The following DPYSL3 variants were observed in gnomAD, a reference collection of about 807,000 sequenced individuals.
DPYSL3 encodes dihydropyrimidinase-related protein 3.
Under a neutral mutation model 66.1 loss-of-function variants are expected in DPYSL3, and 16 were observed. The observed-to-expected ratio is 0.24, with a 90% confidence interval of 0.16 to 0.37. DPYSL3 has a LOEUF of 0.37. Among genes scored for constraint, DPYSL3 ranks in the 10% least tolerant of loss-of-function variants. The pLI is 1.00. For missense variants in DPYSL3, 738 were observed against 916.2 expected, an observed-to-expected ratio of 0.81 and a Z score of 2.51; for synonymous variants, 338 against 345.1, an observed-to-expected ratio of 0.98 and a Z score of 0.23.
chr5:147,418,824 C>G (rs996388146), intron 2 of DPYSL3, among the ~76,000 whole-genome samples, 193 bp from the exon 3 acceptor site: 1 of 152,146 alleles, frequency 6.6e-6, no homozygotes, highest in African/African-American at 2.4e-5. Context: ...TGTTTATAGT[C>G]ACAGAATGAT....
chr5:147,502,843 T>C (rs1753633379), intron 1 of DPYSL3, among the ~76,000 whole-genome samples: 1 of 152,196 alleles, frequency 6.6e-6, no homozygotes, highest in Non-Finnish European at 1.5e-5. Flanking sequence ...CCCAAAGTGC[T>C]GGGATTACAA....
chr5:147,395,075 G>A (rs1182496704), intron 13 of DPYSL3, among the ~76,000 whole-genome samples: 2 of 152,218 alleles, frequency 1.3e-5, no homozygotes, highest in Non-Finnish European at 1.5e-5. Flanking sequence ...TGTTCAATCA[G>A]TGGTAGCTAG....
intron 1 of DPYSL3, among the ~76,000 whole-genome samples, chr5:147,449,037 C>G (rs1432682327): frequency 6.6e-6 from 1 of 152,184 alleles, no homozygotes; most frequent in Non-Finnish European, 1.5e-5. Flanking sequence ...TGTGACTCCT[C>G]TTCTTTTGGT....
Position 147,413,578 on chromosome 5 carries a change from T to C in DPYSL3, c.882+18A>G, listed in dbSNP as rs757396546. 4 of 1,604,374 alleles carry C rather than the reference T, an allele frequency of 2.5e-6. No homozygotes were observed. In the African/African-American group the frequency reaches 5.4e-5, roughly 21 times the overall value. On this transcript the variant is annotated intron_variant, in intron 5 of 13. Coordinates refer to ENST00000343218, the MANE Select transcript of DPYSL3 (RefSeq NM_001197294.2). ...ACCCATCCAGATACCCCAAACCACA[T>C]AGCAAATGGGTTGTTACCTCTGTGT...
intron 1 of DPYSL3, among the ~76,000 whole-genome samples, chr5:147,464,338 A>G (rs1166090650): frequency 6.6e-6 from 1 of 152,130 alleles, no homozygotes; most frequent in African/African-American, 2.4e-5. Flanking sequence ...CTCGAAATAC[A>G]CGCTTTCCAC....
chr5:147,494,044 T>C (rs2126450575), intron 1 of DPYSL3, among the ~76,000 whole-genome samples: 1 of 151,962 alleles, frequency 6.6e-6, no homozygotes. Context: ...AATACAAAAA[T>C]TATCCTGGCG....
intron 1 of DPYSL3, among the ~76,000 whole-genome samples, chr5:147,491,539 A>G (rs2126447605): frequency 6.6e-6 from 1 of 152,314 alleles, no homozygotes; most frequent in South Asian, 2.1e-4. Flanking sequence ...CTTTAGTAGA[A>G]AAAGTAGACA....
chr5:147,481,825 G>A (rs991067186), intron 1 of DPYSL3, among the ~76,000 whole-genome samples: 1 of 152,136 alleles, frequency 6.6e-6, no homozygotes, highest in Non-Finnish European at 1.5e-5. Flanking sequence ...AGACATTCCA[G>A]GTTCCAGAAT....
At position 147,392,508 on chromosome 5, in the gene DPYSL3, T is replaced by C. The variant is rs562019808; in HGVS notation, c.*1527A>G. 9.2e-5 allele frequency: 14 copies of C among 152,352 alleles called. No individual in the cohort carries two copies. Among genetic ancestry groups the C allele is most frequent in the African/African-American group, 3.1e-4 (13 of 41,586 alleles). The allele number at this position is 152,352 out of a possible 1,614,324, so 9.4% of individuals were successfully genotyped here. ...AGGGTTACAGGTGCTACCACTTGGA[T>C]TCCCCAGAGCATGGAAGTCTGATCC... On this transcript the variant is annotated 3_prime_UTR_variant, in exon 14 of 14. Coordinates refer to ENST00000343218, the MANE Select transcript of DPYSL3 (RefSeq NM_001197294.2).
chr5:147,419,792 A>C (rs1752044533), intron 2 of DPYSL3, among the ~76,000 whole-genome samples: 1 of 152,056 alleles, frequency 6.6e-6, no homozygotes. Context: ...CCACATCACC[A>C]CTGGGCCATT....
chr5:147,500,171 G>A (rs549403287), intron 1 of DPYSL3, among the ~76,000 whole-genome samples: 2 of 152,294 alleles, frequency 1.3e-5, no homozygotes, highest in South Asian at 2.1e-4. Flanking sequence ...AATAATTGGT[G>A]AGCTGGACTA....
At chr5:147,403,483 G>A (rs1372019361) in intron 8 of DPYSL3, among the ~76,000 whole-genome samples, 1 of 152,092 alleles carries the variant, frequency 6.6e-6, no homozygotes, top group East Asian at 1.9e-4. Flanking sequence ...AAGTTGTGCT[G>A]CAATTTCATC....
chr5:147,393,429 T>A lies in DPYSL3; in HGVS notation c.*606A>T, dbSNP rs1161121462. The A allele has an allele frequency of 6.6e-6, 1 of 152,330 alleles. No homozygotes were observed. The highest frequency in any genetic ancestry group is 1.5e-5 in the Non-Finnish European group (1 of 68,066). The allele number at this position is 152,330 out of a possible 1,614,324, so 9.4% of individuals were successfully genotyped here. ...AAACAAAATTTACTTGTAGGGGACGTGACAAAGAACAGAACCCAAAGACTG... is the reference window on the plus strand; with the variant it reads ...AAACAAAATTTACTTGTAGGGGACGAGACAAAGAACAGAACCCAAAGACTG... On this transcript the variant is annotated 3_prime_UTR_variant, in exon 14 of 14. Coordinates refer to ENST00000343218, the MANE Select transcript of DPYSL3 (RefSeq NM_001197294.2).
At chr5:147,460,993 A>G (rs1752922377) in intron 1 of DPYSL3, among the ~76,000 whole-genome samples, 1 of 152,222 alleles carries the variant, frequency 6.6e-6, no homozygotes, top group African/African-American at 2.4e-5. Flanking sequence ...GATAGAGTAA[A>G]AGAGTCCTCA....
intron 1 of DPYSL3, among the ~76,000 whole-genome samples, chr5:147,489,037 A>G (rs1367674318): frequency 2.0e-5 from 3 of 151,934 alleles, no homozygotes; most frequent in Non-Finnish European, 2.9e-5. Flanking sequence ...AGAAAAAGAA[A>G]AGAAAAAATA....
intron 6 of DPYSL3, among the ~76,000 whole-genome samples, chr5:147,409,143 T>C (rs1176511617): frequency 6.6e-6 from 1 of 152,232 alleles, no homozygotes; most frequent in African/African-American, 2.4e-5. Context: ...TATTCACTCA[T>C]GCTCTTTAAG....
chr5:147,494,581 G>A (rs1753469672), intron 1 of DPYSL3, among the ~76,000 whole-genome samples: 1 of 151,526 alleles, frequency 6.6e-6, no homozygotes, highest in Non-Finnish European at 1.5e-5. Flanking sequence ...GAATAATAAA[G>A]GAGGCCGGGC....
At chr5:147,480,665 T>G (rs1323788944) in intron 1 of DPYSL3, among the ~76,000 whole-genome samples, 1 of 150,758 alleles carries the variant, frequency 6.6e-6, no homozygotes, top group East Asian at 1.9e-4. Context: ...TTTGTTGAAA[T>G]GAACCAATTT....
At chr5:147,487,580 GTT>G (rs1214851777) in intron 1 of DPYSL3, among the ~76,000 whole-genome samples, 2 of 152,024 alleles carry the variant, frequency 1.3e-5, no homozygotes, top group Non-Finnish European at 2.9e-5. Context: ...CCCACCACCT[GTT>G]TTTTTGTTTG....
Sources: allele counts gnomAD v4.1 joint callset (sites outside exome capture counted in the v4.1 genomes callset), GRCh38; gene constraint gnomAD v4.1.1; transcripts MANE v1.5; gene names NCBI Gene and HGNC (gene_info 2026-07-23, HGNC 2026-07-21).